ZNF235: variants seen among roughly 807,000 people sequenced by gnomAD.
The protein encoded by ZNF235 is zinc finger protein 235, also known as zfp-93.
ZNF235 carries 25 observed loss-of-function variants against 29.4 expected under a neutral mutation model. The observed-to-expected ratio is 0.85, with a 90% CI of 0.62 to 1.19. ZNF235 has a LOEUF of 1.19. Among genes scored for constraint, ZNF235 ranks in the 50% most tolerant of loss-of-function variants. The pLI is 0.00. For missense variants in ZNF235, 788 were observed against 885.0 expected (o/e 0.89, Z 1.39); for synonymous variants, 300 against 295.3 (o/e 1.02, Z -0.16).
At chr19:44,303,535 G>T (rs1464099123) in intron 1 of ZNF235, 83 bp from the exon 2 acceptor site, 2 of 1,263,876 alleles carry the variant, frequency 1.6e-6, no homozygotes, top group African/African-American at 1.5e-5. Flanking sequence ...TCAGAGAAAG[G>T]TCCCCCTGTC....
chr19:44,299,260 C>A (rs1293841950), intron 3 of ZNF235, among the ~76,000 whole-genome samples: 1 of 152,194 alleles, frequency 6.6e-6, no homozygotes, highest in Non-Finnish European at 1.5e-5. Flanking sequence ...TACTAATTTA[C>A]TGACCCACCA....
intron 2 of ZNF235, 143 bp downstream of exon 2, chr19:44,303,247 T>G: frequency 1.7e-6 from 1 of 582,902 alleles, no homozygotes; most frequent in Non-Finnish European, 3.1e-6. Context: ...ACTATTATAT[T>G]GAAATAAAAG....
chr19:44,299,378 T>C (rs1975700966), intron 3 of ZNF235, among the ~76,000 whole-genome samples: 1 of 152,158 alleles, frequency 6.6e-6, no homozygotes, highest in African/African-American at 2.4e-5. Flanking sequence ...ATCATCTGTC[T>C]TGGAACAAAG....
chr19:44,296,529 T>C (rs1030007101), intron 4 of ZNF235, among the ~76,000 whole-genome samples: 1 of 152,200 alleles, frequency 6.6e-6, no homozygotes, highest in Non-Finnish European at 1.5e-5. Flanking sequence ...TTTTGTCACA[T>C]ATCTCCCTCA....
At chr19:44,302,012 A>G (rs1975745151) in intron 2 of ZNF235, among the ~76,000 whole-genome samples, 1 of 152,242 alleles carries the variant, frequency 6.6e-6, no homozygotes, top group Non-Finnish European at 1.5e-5. Context: ...GTTAATGAAT[A>G]AAACAGATAC....
chr19:44,303,297 G>A (rs1327881882), intron 2 of ZNF235, 93 bp downstream of exon 2: 4 of 1,353,578 alleles, frequency 3.0e-6, no homozygotes, highest in South Asian at 1.2e-5. Flanking sequence ...AGTGCCTTTC[G>A]TTCCCTTTTA....
chr19:44,293,589 C>A (rs1183329128), intron 4 of ZNF235, among the ~76,000 whole-genome samples: 1 of 152,006 alleles, frequency 6.6e-6, no homozygotes, highest in Non-Finnish European at 1.5e-5. Flanking sequence ...CAGACATTTA[C>A]AGAACATTCT....
intron 1 of ZNF235, among the ~76,000 whole-genome samples, chr19:44,304,105 T>G (rs1423513056): frequency 1.3e-5 from 2 of 152,108 alleles, no homozygotes; most frequent in African/African-American, 2.4e-5. Flanking sequence ...TGCCACAGGT[T>G]TTTTTTTCCT....
In ZNF235 at chr19:44,287,292, C is replaced by T; in HGVS notation, c.2143G>A (p.Val715Ile). The T allele has an allele frequency of 6.2e-7, 1 of 1,613,274 alleles. No homozygotes were observed. ...HTGERPYICD[V>I]CCKGFSQRSH... ...CTCTGACTGAAGCCCTTACAACAGACATCACATATGTAAGGCCTCTCTCCA... is the reference window on the plus strand; with the variant it reads ...CTCTGACTGAAGCCCTTACAACAGATATCACATATGTAAGGCCTCTCTCCA... The change falls in exon 5 of 5, where the codon GTC becomes ATC. Residue 715 changes from valine to isoleucine, a missense_variant. Physicochemically the swap from Val to Ile is conservative, Grantham distance 29. Coordinates refer to ENST00000291182, the MANE Select transcript of ZNF235 (RefSeq NM_004234.4).
chr19:44,301,841 A>C (rs984258516), intron 2 of ZNF235, among the ~76,000 whole-genome samples: 1 of 152,178 alleles, frequency 6.6e-6, no homozygotes, highest in Non-Finnish European at 1.5e-5. Context: ...AGTGGACTTC[A>C]ATAAGTGTCT....
At position 44,288,540 on chromosome 19, in the gene ZNF235, C is replaced by T. The variant is rs1362504319; in HGVS notation, c.895G>A (p.Asp299Asn). The change falls in exon 5 of 5, where the codon GAC becomes AAC. Residue 299 changes from aspartate (D) to asparagine (N), a missense_variant. Physicochemically the swap from Asp to Asn is conservative, Grantham distance 23. Coordinates refer to ENST00000291182, the MANE Select transcript of ZNF235 (RefSeq NM_004234.4). Reference sequence around the variant, plus strand: ...GGAATACCTGAGCTATAACTGGTGTCCTTCTCATGTGTACTACACGCTGGA... The same window carrying T: ...GGAATACCTGAGCTATAACTGGTGTTCTTCTCATGTGTACTACACGCTGGA... ...KSPACSTHEK[D>N]TSYSSGIPVQ... 6.2e-7 allele frequency: 1 copy of T among 1,614,122 alleles called. No individual in the cohort carries two copies. The highest frequency in any genetic ancestry group is 1.1e-5 in the South Asian group (1 of 91,082).
At chr19:44,289,796 A>G (rs1975561791) in intron 4 of ZNF235, 1 of 152,262 alleles carries the variant, frequency 6.6e-6, no homozygotes, top group East Asian at 1.9e-4. Flanking sequence ...ACTGAATCGT[A>G]AGTAGCAACT....
In ZNF235 at chr19:44,299,745, G is replaced by A; in HGVS notation, c.16-13C>T. 6.2e-7 allele frequency: 1 copy of A among 1,613,786 alleles called. No homozygotes were observed. Among genetic ancestry groups the A allele is most frequent in the Non-Finnish European group, 8.5e-7 (1 of 1,179,874 alleles). On this transcript the variant is annotated splice_polypyrimidine_tract_variant and intron_variant, in intron 2 of 4. Transcript: ENST00000291182. The stretch of plus-strand genomic sequence containing the variant: ...ATGTCACTGCCTCCTAGAACATCAA[G>A]CACATGTAACCTCAATCTCACACCC...
chr19:44,289,037 A>G lies in ZNF235; in HGVS notation c.398T>C (p.Phe133Ser). 6.2e-7 allele frequency: 1 copy of G among 1,614,112 alleles called. No individual in the cohort carries two copies. The highest frequency in any genetic ancestry group is 8.5e-7 in the Non-Finnish European group (1 of 1,179,998). The change falls in exon 5 of 5, where the codon TTC becomes TCC. Residue 133 changes from phenylalanine to serine, a missense_variant. Physicochemically the swap from Phe to Ser is radical, Grantham distance 155. Coordinates refer to ENST00000291182, the MANE Select transcript of ZNF235 (RefSeq NM_004234.4). The stretch of plus-strand genomic sequence containing the variant: ...ACAGGGGGAATCATGGTGCTTGGGG[A>G]ACTGAGAGCTCTTTCCTTCAATATT... Reference protein sequence around the residue: ...MINIEGKSSQFPKHHDSPCQV... With the variant: ...MINIEGKSSQSPKHHDSPCQV...
chr19:44,287,987 C>G lies in ZNF235; in HGVS notation c.1448G>C (p.Gly483Ala). 1 of 1,614,122 alleles carries G rather than the reference C, an allele frequency of 6.2e-7. No homozygotes were observed. The highest frequency in any genetic ancestry group is 8.5e-7 in the Non-Finnish European group (1 of 1,180,022). The change falls in exon 5 of 5, where the codon GGA (glycine) becomes GCA (alanine). Residue 483 changes from glycine (G) to alanine (A), a missense_variant. Physicochemically the swap from Gly to Ala is moderately conservative, Grantham distance 60. Coordinates refer to ENST00000291182, the MANE Select transcript of ZNF235 (RefSeq NM_004234.4). The part of the protein sequence containing the change: ...NLHSHQRVHT[G>A]EKPYKCEECG... Reference sequence around the variant, plus strand: ...CTCTTCACATTTATATGGTTTTTCTCCTGTGTGGACTCGTTGATGACTATG... The same window carrying G: ...CTCTTCACATTTATATGGTTTTTCTGCTGTGTGGACTCGTTGATGACTATG...
intron 2 of ZNF235, among the ~76,000 whole-genome samples, chr19:44,301,359 A>T (rs550086151): frequency 2.0e-5 from 3 of 152,216 alleles, no homozygotes; most frequent in Non-Finnish European, 4.4e-5. Context: ...AGAGCCATGC[A>T]CTGAGAAAGG....
chr19:44,298,925 G>C lies in ZNF235; in HGVS notation c.143-22C>G, dbSNP rs16978912. The C allele has an allele frequency of 7.7e-3, 12,155 of 1,583,244 alleles. 126 individuals are homozygous for C. The highest frequency in any genetic ancestry group is 0.05 in the African/African-American group (3,746 of 74,188). On this transcript the variant is annotated intron_variant, in intron 3 of 4. Transcript: ENST00000291182. Reference sequence around the variant, plus strand: ...TGTCCTATAAAAAGATAGTATTTAAGTGAAAATGTTAAAGGCAAAGAGTAC... The same window carrying C: ...TGTCCTATAAAAAGATAGTATTTAACTGAAAATGTTAAAGGCAAAGAGTAC...
chr19:44,293,346 C>T (rs1200057076), intron 4 of ZNF235, among the ~76,000 whole-genome samples: 3 of 151,916 alleles, frequency 2.0e-5, no homozygotes, highest in Non-Finnish European at 4.4e-5. Context: ...AAAGTCATTA[C>T]ATAATGATAA....
intron 4 of ZNF235, chr19:44,289,788 T>G (rs1484700487): frequency 6.6e-6 from 1 of 152,226 alleles, no homozygotes; most frequent in African/African-American, 2.4e-5. Context: ...CTACAGCAAC[T>G]GAATCGTAAG....
Sources: allele counts gnomAD v4.1 joint callset (sites outside exome capture counted in the v4.1 genomes callset), GRCh38; gene constraint gnomAD v4.1.1; transcripts MANE v1.5; gene names NCBI Gene and HGNC (gene_info 2026-07-23, HGNC 2026-07-21).